PLSCR5: variants seen among roughly 807,000 people sequenced by gnomAD.
The protein encoded by PLSCR5 is phospholipid scramblase family, member 5.
PLSCR5 carries 44 observed loss-of-function variants against 33.6 expected under a neutral mutation model. The observed-to-expected ratio is 1.31, with a 90% CI of 1.03 to 1.69. The LOEUF (loss-of-function observed/expected upper bound fraction) is 1.69. Among genes scored for constraint, PLSCR5 ranks in the 40% most tolerant of loss-of-function variants. The pLI is 0.00. For synonymous variants in PLSCR5, 148 were observed against 112.3 expected (o/e 1.32, Z -2.01); for missense variants, 375 against 318.7 (o/e 1.18, Z -1.34).
rs2044664374 is a variant in PLSCR5 at position 146,586,121 on chromosome 3, A to G, written c.778-9T>C. 1 of 1,475,076 alleles carries G rather than the reference A, an allele frequency of 6.8e-7. No homozygotes were observed. The highest frequency in any genetic ancestry group is 1.3e-5 in the South Asian group (1 of 74,536). The allele number at this position is 1,475,076 out of a possible 1,614,324, so 91.4% of individuals were successfully genotyped here. A position where few individuals can be genotyped will look rare whatever the true frequency, so the allele number is the denominator to read the frequency against. ...TCAAAGAACATAAAATCCTACAAATAAGTAAACTGAATATAAGTGAATTTA... is the reference window on the plus strand; with the variant it reads ...TCAAAGAACATAAAATCCTACAAATGAGTAAACTGAATATAAGTGAATTTA... On this transcript the variant is annotated splice_polypyrimidine_tract_variant and intron_variant, in intron 6 of 7. Coordinates refer to ENST00000443512, the MANE Select transcript of PLSCR5 (RefSeq NM_001085420.2).
chr3:146,598,924 C>T (rs145103087), intron 2 of PLSCR5, among the ~76,000 whole-genome samples: 4 of 152,322 alleles, frequency 2.6e-5, no homozygotes, highest in Non-Finnish European at 5.9e-5. Flanking sequence ...ACATATGCTG[C>T]GTGCAGCTTA....
chr3:146,585,871 T>G lies in PLSCR5; in HGVS notation c.*116A>C. On this transcript the variant is annotated 3_prime_UTR_variant, in exon 8 of 8. Coordinates refer to ENST00000443512, the MANE Select transcript of PLSCR5 (RefSeq NM_001085420.2). ...TAAACTGTTTTAATAAATATAATAA[T>G]TAACATTTTTTTTTAACAAAAAAGC... The G allele has an allele frequency of 2.3e-6, 1 of 432,742 alleles. No homozygotes were observed. Among genetic ancestry groups the G allele is most frequent in the African/African-American group, 2.2e-5 (1 of 46,042 alleles). 26.8% of individuals were successfully genotyped at this position (432,742 alleles called of 1,614,324 possible).
chr3:146,584,419 T>C (rs551660380), downstream of PLSCR5, among the ~76,000 whole-genome samples: 1 of 152,324 alleles, frequency 6.6e-6, no homozygotes, highest in South Asian at 2.1e-4. Flanking sequence ...AAAAGGTTTT[T>C]GTTCCCTTCT....
chr3:146,594,932 T>C (rs1404744949), intron 3 of PLSCR5, 109 bp downstream of exon 3: 10 of 569,386 alleles, frequency 1.8e-5, no homozygotes, highest in Non-Finnish European at 2.7e-5. Flanking sequence ...AATTCTATTC[T>C]ACACATTTAA....
At position 146,586,116 on chromosome 3, in the gene PLSCR5, C is replaced by G; in HGVS notation, c.778-4G>C. 4 of 1,476,678 alleles carry G rather than the reference C, an allele frequency of 2.7e-6. No homozygotes were observed. Among genetic ancestry groups the G allele is most frequent in the Non-Finnish European group, 2.7e-6 (3 of 1,111,804 alleles). 91.5% of individuals were successfully genotyped at this position (1,476,678 alleles called of 1,614,324 possible). A position where few individuals can be genotyped will look rare whatever the true frequency, so the allele number is the denominator to read the frequency against. ...AATGTTCAAAGAACATAAAATCCTA[C>G]AAATAAGTAAACTGAATATAAGTGA... On this transcript the variant is annotated splice_region_variant and splice_polypyrimidine_tract_variant and intron_variant, in intron 6 of 7. Coordinates refer to ENST00000443512, the MANE Select transcript of PLSCR5 (RefSeq NM_001085420.2).
intron 7 of PLSCR5, among the ~76,000 whole-genome samples, chr3:146,579,047 A>G (rs1183736816): frequency 6.6e-6 from 1 of 152,038 alleles, no homozygotes; most frequent in African/African-American, 2.4e-5. Flanking sequence ...TAAATATGTG[A>G]TGCCTAAATT....
chr3:146,586,927 T>C (rs1161078115), intron 6 of PLSCR5, among the ~76,000 whole-genome samples: 2 of 152,158 alleles, frequency 1.3e-5, no homozygotes, highest in Non-Finnish European at 2.9e-5. Context: ...TTATAAGCTA[T>C]ATTGGCTGGC....
At chr3:146,593,896 G>A (rs757196776) in intron 4 of PLSCR5, 24 bp downstream of exon 4, 11 of 1,592,816 alleles carry the variant, frequency 6.9e-6, no homozygotes, top group South Asian at 5.5e-5. Context: ...AAATCAAAAA[G>A]GACAACCAGA....
At chr3:146,603,464 T>C (rs1487155336) in intron 1 of PLSCR5, among the ~76,000 whole-genome samples, 1 of 152,132 alleles carries the variant, frequency 6.6e-6, no homozygotes, top group Non-Finnish European at 1.5e-5. Context: ...TTGAGCCGGT[T>C]GCAGAAGGAG....
chr3:146,604,314 T>A (rs1576825944), intron 1 of PLSCR5, among the ~76,000 whole-genome samples: 1 of 152,096 alleles, frequency 6.6e-6, no homozygotes, highest in Non-Finnish European at 1.5e-5. Flanking sequence ...AACAACTACA[T>A]CTCTTGTCTT....
At chr3:146,586,000 A>C in intron 7 of PLSCR5, 30 bp downstream of exon 7, 3 of 1,380,698 alleles carry the variant, frequency 2.2e-6, no homozygotes, top group Non-Finnish European at 1.9e-6. Context: ...TCAAAGGGAA[A>C]GAGATCATTT....
chr3:146,592,075 TA>T (rs1382596401), intron 4 of PLSCR5, among the ~76,000 whole-genome samples, 194 bp from the exon 5 acceptor site: 3 of 152,072 alleles, frequency 2.0e-5, no homozygotes, highest in Non-Finnish European at 2.9e-5. Context: ...ATTCACTGTA[TA>T]AACATACGTT....
At chr3:146,588,166 T>C (rs944144578) in intron 6 of PLSCR5, among the ~76,000 whole-genome samples, 5 of 152,136 alleles carry the variant, frequency 3.3e-5, no homozygotes, top group Non-Finnish European at 7.4e-5. Flanking sequence ...AATTGGCTTA[T>C]GCACTTAAAA....
intron 4 of PLSCR5, among the ~76,000 whole-genome samples, chr3:146,593,400 T>C (rs2107853695): frequency 1.3e-5 from 2 of 152,274 alleles, no homozygotes; most frequent in South Asian, 2.1e-4. Flanking sequence ...AAATCTATTA[T>C]ATATTAAAAT....
Position 146,593,954 on chromosome 3 carries a change from C to A in PLSCR5, c.419G>T (p.Cys140Phe), listed in dbSNP as rs774731098. 2.5e-6 allele frequency: 4 copies of A among 1,613,606 alleles called. No homozygotes were observed. In the African/African-American group the frequency reaches 5.3e-5, roughly 22 times the overall value. ...GTAGCAAGGGCACCAGCAGCTGTTA[C>A]ATCTCAAGGGCCTGTTCACTGTAAT... is the stretch of plus-strand genomic sequence containing the variant. Reference protein sequence around the residue: ...EVITVNRPLRCNSCWCPCYLQ... With the variant: ...EVITVNRPLRFNSCWCPCYLQ... Residue 140 changes from cysteine to phenylalanine, a missense_variant, in exon 4 of 8, where the codon TGT becomes TTT. Coordinates refer to ENST00000443512, the MANE Select transcript of PLSCR5 (RefSeq NM_001085420.2).
At chr3:146,599,944 G>A (rs1359859490) in intron 2 of PLSCR5, among the ~76,000 whole-genome samples, 1 of 151,968 alleles carries the variant, frequency 6.6e-6, no homozygotes, top group Non-Finnish European at 1.5e-5. Flanking sequence ...GATTACAGGC[G>A]TGAGCCACCG....
chr3:146,577,153 A>G (rs1315659283), intron 7 of PLSCR5, among the ~76,000 whole-genome samples: 1 of 152,100 alleles, frequency 6.6e-6, no homozygotes, highest in Non-Finnish European at 1.5e-5. Context: ...ATTTTTCTAC[A>G]TTTATATTGC....
At chr3:146,582,186 G>T (rs952737762), downstream of PLSCR5, among the ~76,000 whole-genome samples, 5 of 152,194 alleles carry the variant, frequency 3.3e-5, no homozygotes, top group African/African-American at 1.2e-4. Flanking sequence ...GGTGGGTCCT[G>T]GGTTGAATTC....
chr3:146,603,738 C>G (rs937928655), intron 1 of PLSCR5, among the ~76,000 whole-genome samples: 2 of 152,032 alleles, frequency 1.3e-5, no homozygotes, highest in Non-Finnish European at 2.9e-5. Context: ...ACCTTACAGT[C>G]TACAGTATTG....
Sources: allele counts gnomAD v4.1 joint callset (sites outside exome capture counted in the v4.1 genomes callset), GRCh38; gene constraint gnomAD v4.1.1; transcripts MANE v1.5; gene names NCBI Gene and HGNC (gene_info 2026-07-23, HGNC 2026-07-21).